DNER: variants seen among roughly 807,000 people sequenced by gnomAD.
DNER encodes the protein delta/notch like EGF repeat containing.
A neutral mutation model predicts 78.2 loss-of-function variants in DNER; 33 were observed. The ratio of observed to expected loss-of-function variants is 0.42; its 90% CI spans 0.32 to 0.56. The LOEUF (loss-of-function observed/expected upper bound fraction) is 0.56. Among genes scored for constraint, DNER ranks in the 20% least tolerant of loss-of-function variants. The probability of loss-of-function intolerance (pLI) is 0.11; values close to 1 mark genes in which losing one functional copy is unlikely to be tolerated. For missense variants in DNER, 918 were observed against 975.3 expected, an observed-to-expected ratio of 0.94 and a Z score of 0.78; for synonymous variants, 417 against 384.8, an observed-to-expected ratio of 1.08 and a Z score of -0.98.
chr2:229,412,402 G>A (rs544686670), intron 9 of DNER, among the ~76,000 whole-genome samples: 44 of 152,306 alleles, frequency 2.9e-4, no homozygotes, highest in Middle Eastern at 3.4e-3. Context: ...TGTTCTGTGC[G>A]AGCCACCATA....
intron 4 of DNER, among the ~76,000 whole-genome samples, chr2:229,572,269 C>T (rs1487080057): frequency 1.3e-5 from 2 of 152,176 alleles, no homozygotes; most frequent in Non-Finnish European, 2.9e-5. Context: ...GGTGACTACT[C>T]TCAACTTGCG....
intron 1 of DNER, among the ~76,000 whole-genome samples, chr2:229,707,647 G>A (rs548431977): frequency 1.1e-4 from 17 of 152,324 alleles, no homozygotes; most frequent in African/African-American, 3.8e-4. Context: ...CCATGCAACT[G>A]GGGGAGAAGA....
intron 1 of DNER, among the ~76,000 whole-genome samples, chr2:229,690,696 G>C (rs1699556447): frequency 6.6e-6 from 1 of 152,162 alleles, no homozygotes; most frequent in African/African-American, 2.4e-5. Flanking sequence ...CTCTGCCCTT[G>C]TGGAGATTAA....
intron 1 of DNER, among the ~76,000 whole-genome samples, chr2:229,673,928 C>T (rs1699254279): frequency 6.6e-6 from 1 of 152,226 alleles, no homozygotes; most frequent in South Asian, 2.1e-4. Flanking sequence ...GTGCACTGGC[C>T]AGGGGCCAGG....
intron 1 of DNER, among the ~76,000 whole-genome samples, chr2:229,610,626 C>G (rs182986888): frequency 6.6e-4 from 100 of 152,304 alleles, no homozygotes; most frequent in Non-Finnish European, 1.2e-4. Flanking sequence ...ACTTAGGCAT[C>G]TTAGAGAACG....
chr2:229,609,554 T>C (rs1406512301), intron 1 of DNER, among the ~76,000 whole-genome samples: 1 of 152,170 alleles, frequency 6.6e-6, no homozygotes, highest in African/African-American at 2.4e-5. Flanking sequence ...AGGTGAACGG[T>C]TGCCACAGAG....
intron 7 of DNER, among the ~76,000 whole-genome samples, chr2:229,458,135 C>CAAAAAAAAAAAAAAAAAAAA (rs61340733): frequency 2.8e-4 from 5 of 17,716 alleles, no homozygotes; most frequent in Admixed American, 1.1e-3. Context: ...GACTCTATCT[C>CAAAAAAAAAAAAAAAAAAAA]AAAAAAAAAA....
At chr2:229,502,151 T>C (rs569596439) in intron 6 of DNER, among the ~76,000 whole-genome samples, 3 of 152,172 alleles carry the variant, frequency 2.0e-5, no homozygotes, top group Non-Finnish European at 4.4e-5. Context: ...AAACCTGTCC[T>C]ATCGAAAGGA....
intron 10 of DNER, among the ~76,000 whole-genome samples, chr2:229,391,338 T>C (rs1693012750): frequency 6.6e-6 from 1 of 152,214 alleles, no homozygotes; most frequent in African/African-American, 2.4e-5. Context: ...AGTTAACTAA[T>C]AAATCTTTAA....
intron 1 of DNER, among the ~76,000 whole-genome samples, chr2:229,684,211 T>TATGTGAGAGAGAGAGAGAGAGAGAGAGTG (rs1559208473): frequency 8.1e-6 from 1 of 123,522 alleles, no homozygotes; most frequent in African/African-American, 3.3e-5. Flanking sequence ...TGTGTGTGTG[T>TATGTGAGAGAGAGAGAGAGAGAGAGAGTG]TGGGGCTAAG....
chr2:229,620,228 T>C (rs766457431), intron 1 of DNER, among the ~76,000 whole-genome samples: 11 of 152,050 alleles, frequency 7.2e-5, no homozygotes, highest in Non-Finnish European at 1.5e-4. Flanking sequence ...ACACAATGGA[T>C]AGAAATAATA....
intron 10 of DNER, among the ~76,000 whole-genome samples, chr2:229,394,127 T>A (rs1693078379): frequency 6.6e-6 from 1 of 152,190 alleles, no homozygotes; most frequent in Non-Finnish European, 1.5e-5. Context: ...TCTTGGATAC[T>A]GATTAACCCC....
intron 5 of DNER, among the ~76,000 whole-genome samples, chr2:229,533,541 C>T (rs1696346544): frequency 6.6e-6 from 1 of 152,042 alleles, no homozygotes; most frequent in African/African-American, 2.4e-5. Flanking sequence ...ATGAATGAAC[C>T]CTCAACCCTG....
At chr2:229,366,557 C>A (rs1371851108) in intron 12 of DNER, among the ~76,000 whole-genome samples, 1 of 152,016 alleles carries the variant, frequency 6.6e-6, no homozygotes, top group East Asian at 1.9e-4. Context: ...AGACATTCCC[C>A]AAAAAAATTC....
At chr2:229,658,858 G>A (rs558722273) in intron 1 of DNER, among the ~76,000 whole-genome samples, 1 of 152,222 alleles carries the variant, frequency 6.6e-6, no homozygotes, top group Non-Finnish European at 1.5e-5. Context: ...AGTTGAAATT[G>A]TACAACACTC....
intron 1 of DNER, among the ~76,000 whole-genome samples, chr2:229,668,346 C>T (rs13390657): frequency 0.092 from 13,869 of 150,436 alleles, 851 homozygotes; most frequent in African/African-American, 0.16. Flanking sequence ...GTGTGTATCA[C>T]TTCGCGTCCC....
At chr2:229,441,225 A>T in intron 8 of DNER, among the ~76,000 whole-genome samples, 1 of 152,032 alleles carries the variant, frequency 6.6e-6, no homozygotes, top group East Asian at 1.9e-4. Flanking sequence ...TCAGTGTCCA[A>T]CTCATTGGAA....
At chr2:229,590,700 G>A (rs1697587193) in intron 2 of DNER, among the ~76,000 whole-genome samples, 1 of 152,216 alleles carries the variant, frequency 6.6e-6, no homozygotes, top group Non-Finnish European at 1.5e-5. Context: ...GGGCTGTGAA[G>A]AAACAGGCCC....
Position 229,448,393 on chromosome 2 carries a change from A to G in DNER, c.1262-853T>C, listed in dbSNP as rs181236534. On this transcript the variant is annotated intron_variant, in intron 7 of 12. Coordinates refer to ENST00000341772, the MANE Select transcript of DNER (RefSeq NM_139072.4). ...AAAGAGGAGTTCACTGCAAATGGAC[A>G]TGAGGAGTCCACTGGGGTGGATGGA... 1.2e-4 allele frequency among the ~76,000 whole-genome samples: 18 copies of G among 152,312 alleles called. No homozygotes were observed. In the East Asian group the frequency reaches 2.7e-3, roughly 23 times the overall value.
Sources: allele counts gnomAD v4.1 joint callset (sites outside exome capture counted in the v4.1 genomes callset), GRCh38; gene constraint gnomAD v4.1.1; transcripts MANE v1.5; gene names NCBI Gene and HGNC (gene_info 2026-07-23, HGNC 2026-07-21).